Variants in EIF5B observed in about 807,000 individuals in gnomAD.
The protein encoded by EIF5B is eukaryotic translation initiation factor 5B, also known as eIF-5B.
EIF5B carries 47 observed loss-of-function variants against 147.5 expected under a neutral mutation model. The ratio of observed to expected loss-of-function variants is 0.32; its 90% CI spans 0.25 to 0.41. The LOEUF is 0.41. Ranked by LOEUF, EIF5B falls within the 10% of genes least tolerant of loss-of-function variation. EIF5B has a pLI of 1.00. For synonymous variants in EIF5B, 455 were observed against 456.2 expected (o/e 1.00, Z 0.03); for missense variants, 1,064 against 1,413.2 (o/e 0.75, Z 3.96).
At position 99,400,221 on chromosome 2, in the gene EIF5B, CTGTTTTAATCTTG is replaced by C. The variant is rs1675195092; in HGVS notation, c.*808_*820del. 1 of 147,780 alleles carries C rather than the reference CTGTTTTAATCTTG, an allele frequency of 6.8e-6. No individual in the cohort carries two copies. The highest frequency in any genetic ancestry group is 2.7e-5 in the African/African-American group (1 of 37,334). The allele number at this position is 147,780 out of a possible 1,614,324, so 9.2% of individuals were successfully genotyped here. ...GAGATTTTTATACATTAATCTTGAT[CTGTTTTAATCTTG>C]ATCTGTTTTAGTAGAGATTTTTATA... On this transcript the variant is annotated 3_prime_UTR_variant, in exon 24 of 24. Coordinates refer to ENST00000289371, the MANE Select transcript of EIF5B (RefSeq NM_015904.4).
chr2:99,345,218 G>A (rs1040201557), intron 1 of EIF5B, among the ~76,000 whole-genome samples: 1 of 152,178 alleles, frequency 6.6e-6, no homozygotes, highest in African/African-American at 2.4e-5. Context: ...AAACTGGTTA[G>A]CCTTGCCTGT....
Position 99,360,625 on chromosome 2 carries a change from C to T in EIF5B, c.246+76C>T, listed in dbSNP as rs1674189414. 9 of 1,438,004 alleles carry T rather than the reference C, an allele frequency of 6.3e-6. No homozygotes were observed. The East Asian group carries it at 2.1e-4, about 34-fold the overall frequency. 89.1% of individuals were successfully genotyped at this position (1,438,004 alleles called of 1,614,324 possible). A position where few individuals can be genotyped will look rare whatever the true frequency, so the allele number is the denominator to read the frequency against. ...TTCTTAATGTTGGTTTGGGGAGCTA[C>T]ATTTGGAAACTTTTGAGCAGTGTAC... On this transcript the variant is annotated intron_variant, in intron 3 of 23. Coordinates refer to ENST00000289371, the MANE Select transcript of EIF5B (RefSeq NM_015904.4).
At chr2:99,344,486 G>C (rs2094268206) in intron 1 of EIF5B, among the ~76,000 whole-genome samples, 2 of 151,720 alleles carry the variant, frequency 1.3e-5, no homozygotes, top group Admixed American at 1.3e-4. Context: ...ACCCAGGCTG[G>C]AGTACAGTGG....
intron 14 of EIF5B, among the ~76,000 whole-genome samples, chr2:99,386,068 AT>A (rs1464761035): frequency 6.6e-6 from 1 of 152,018 alleles, no homozygotes; most frequent in Non-Finnish European, 1.5e-5. Context: ...TTTCCTTTTT[AT>A]TTTTGAATAG....
At position 99,360,554 on chromosome 2, in the gene EIF5B, A is replaced by AAGAC. The variant is rs747336625; in HGVS notation, c.246+10_246+13dup. On this transcript the variant is annotated splice_donor_region_variant and intron_variant, in intron 3 of 23. Coordinates refer to ENST00000289371, the MANE Select transcript of EIF5B (RefSeq NM_015904.4). Reference sequence around the variant, plus strand: ...AGAGAAACTGTTGCAGTGAAGGTGAAAGACAGACCTTTGTTACCTATTCGT... The same window carrying AAGAC: ...AGAGAAACTGTTGCAGTGAAGGTGAAAGACAGACAGACCTTTGTTACCTATTCGT... 5 of 1,610,274 alleles carry AAGAC rather than the reference A, an allele frequency of 3.1e-6. No homozygotes were observed. In the South Asian group the frequency reaches 5.6e-5, roughly 18 times the overall value.
At chr2:99,381,297 G>T (rs1237793095) in intron 12 of EIF5B, among the ~76,000 whole-genome samples, 1 of 152,114 alleles carries the variant, frequency 6.6e-6, no homozygotes. Flanking sequence ...TATTAGGCCT[G>T]TATTAAAGTT....
At chr2:99,341,934 A>G (rs547531888) in intron 1 of EIF5B, among the ~76,000 whole-genome samples, 10 of 152,174 alleles carry the variant, frequency 6.6e-5, no homozygotes, top group Non-Finnish European at 1.3e-4. Flanking sequence ...TCCCCTGTAC[A>G]GTTGTGAGAA....
intron 1 of EIF5B, among the ~76,000 whole-genome samples, chr2:99,339,714 A>G (rs1452773882): frequency 6.6e-6 from 1 of 152,044 alleles, no homozygotes; most frequent in Non-Finnish European, 1.5e-5. Context: ...CTCTTTCACA[A>G]TAGAAAAAAG....
chr2:99,341,597 G>A (rs1465040990), intron 1 of EIF5B, among the ~76,000 whole-genome samples: 1 of 152,162 alleles, frequency 6.6e-6, no homozygotes, highest in East Asian at 1.9e-4. Context: ...GGTTAGAATA[G>A]CAATTCTCAA....
Position 99,390,347 on chromosome 2 carries a change from C to G in EIF5B, c.2532C>G (p.Thr844=), listed in dbSNP as rs1395370357. ...ACCTTCTTGTAGAGTTAACTCAGAC[C>G]ATGTTGAGCAAGAGACTTGCACACT... is the stretch of plus-strand genomic sequence containing the variant. ...LIYLLVELTQ[T]MLSKRLAHCE... Residue 844 remains threonine, a synonymous_variant, in exon 16 of 24, where the codon ACC becomes ACG. Coordinates refer to ENST00000289371, the MANE Select transcript of EIF5B (RefSeq NM_015904.4). 3 of 1,613,660 alleles carry G rather than the reference C, an allele frequency of 1.9e-6. No homozygotes were observed. The highest frequency in any genetic ancestry group is 2.5e-6 in the Non-Finnish European group (3 of 1,180,010).
intron 1 of EIF5B, among the ~76,000 whole-genome samples, chr2:99,347,806 A>G (rs1488136013): frequency 6.6e-6 from 1 of 152,112 alleles, no homozygotes; most frequent in African/African-American, 2.4e-5. Context: ...TTTTTCATCA[A>G]CCGGAAACAA....
At chr2:99,344,704 T>C (rs751739008) in intron 1 of EIF5B, among the ~76,000 whole-genome samples, 1 of 152,150 alleles carries the variant, frequency 6.6e-6, no homozygotes, top group Non-Finnish European at 1.5e-5. Context: ...CCCAAAGTAC[T>C]GGGATTATAG....
At position 99,379,329 on chromosome 2, in the gene EIF5B, A is replaced by G; in HGVS notation, c.1962A>G (p.Thr654=). The G allele has an allele frequency of 6.2e-7, 1 of 1,612,838 alleles. No homozygotes were observed. Residue 654 remains threonine (T), a synonymous_variant, in exon 12 of 24, where the codon ACA becomes ACG. Transcript: ENST00000289371. ...CTGTCTTCTCATAGCTCCGTCACACACATGTACAAGATGGTGAAGCAGGTG... is the reference window on the plus strand; with the variant it reads ...CTGTCTTCTCATAGCTCCGTCACACGCATGTACAAGATGGTGAAGCAGGTG... ...KTKILDKLRH[T]HVQDGEAGGI...
In EIF5B at chr2:99,384,711, C is replaced by G. The variant is rs561450992; in HGVS notation, c.2271+1790C>G. On this transcript the variant is annotated intron_variant, in intron 14 of 23. Transcript: ENST00000289371. ...TATGACTTTGAGGAATTCAAGATTT[C>G]AGTAGAGGAAGTCACTGCGGATGTG... is the stretch of plus-strand genomic sequence containing the variant. 2.0e-5 allele frequency among the ~76,000 whole-genome samples: 3 copies of G among 152,248 alleles called. No individual in the cohort carries two copies. In the South Asian group the frequency reaches 6.2e-4, roughly 32 times the overall value.
chr2:99,363,848 A>C lies in EIF5B; in HGVS notation c.1123A>C (p.Lys375Gln), dbSNP rs1454705451. 6.2e-7 allele frequency: 1 copy of C among 1,605,524 alleles called. No homozygotes were observed. Among genetic ancestry groups the C allele is most frequent in the South Asian group, 1.1e-5 (1 of 88,536 alleles). The change falls in exon 5 of 24, where the codon AAG becomes CAG. Residue 375 changes from lysine to glutamine, a missense_variant. Physicochemically the swap from Lys to Gln is moderately conservative, Grantham distance 53. This residue lies in a region of EIF5B where 458 missense variants were observed against 451.3 expected (regional missense o/e 1.01). Coordinates refer to ENST00000289371, the MANE Select transcript of EIF5B (RefSeq NM_015904.4). Reference sequence around the variant, plus strand: ...AAAACGGCTTGAAGAATTAGAAGCCAAGCGTAAAGAAGAGGTATGTTTTCA... The same window carrying C: ...AAAACGGCTTGAAGAATTAGAAGCCCAGCGTAAAGAAGAGGTATGTTTTCA... The part of the protein sequence containing the change: ...RIKRLEELEA[K>Q]RKEEERLEQE...
intron 23 of EIF5B, 105 bp from the exon 24 acceptor site, chr2:99,399,202 C>T: frequency 1.8e-6 from 2 of 1,109,350 alleles, no homozygotes; most frequent in Admixed American, 2.4e-5. Context: ...TTTTTTATTT[C>T]TGCTTAAGCT....
chr2:99,385,566 G>A (rs555710902), intron 14 of EIF5B, among the ~76,000 whole-genome samples: 1 of 152,092 alleles, frequency 6.6e-6, no homozygotes, highest in Non-Finnish European at 1.5e-5. Context: ...TAAAATTAAG[G>A]TGTATACATT....
At chr2:99,385,461 C>T (rs1038518063) in intron 14 of EIF5B, among the ~76,000 whole-genome samples, 1 of 152,202 alleles carries the variant, frequency 6.6e-6, no homozygotes, top group African/African-American at 2.4e-5. Context: ...CCTAATCAGT[C>T]AGTAGCCATC....
chr2:99,392,634 A>G (rs1227180933), intron 17 of EIF5B, among the ~76,000 whole-genome samples: 2 of 152,016 alleles, frequency 1.3e-5, no homozygotes, highest in African/African-American at 4.8e-5. Flanking sequence ...AAAAATGTTT[A>G]TTGGCCATTT....
Sources: gnomAD v4.1 joint callset for allele counts (sites outside exome capture counted in the v4.1 genomes callset) on GRCh38, gnomAD v4.1.1 for gene constraint, gnomAD v4.1.1 regional missense constraint, MANE v1.5 for transcripts, NCBI Gene and HGNC (gene_info 2026-07-23, HGNC 2026-07-21) for gene names.